Variants in P3H2 observed in about 807,000 individuals in gnomAD.
The protein encoded by P3H2 is prolyl 3-hydroxylase 2.
In P3H2, 80 loss-of-function variants were observed where a neutral mutation model predicts 87.0. That is an observed-to-expected ratio of 0.92 (90% CI 0.77 to 1.11). The LOEUF is 1.11. Ranked by LOEUF, P3H2 falls within the 50% of genes least tolerant of loss-of-function variation. The pLI, the probability that P3H2 is intolerant of heterozygous loss-of-function variation, is 0.00. For missense variants in P3H2, 1,001 were observed against 923.9 expected (o/e 1.08, Z -1.08); for synonymous variants, 367 against 359.3 (o/e 1.02, Z -0.24).
chr3:190,040,517 T>C lies in P3H2; in HGVS notation c.481-45075A>G, dbSNP rs532746350. Among the ~76,000 whole-genome samples, 5 of 152,344 alleles carry C rather than the reference T, an allele frequency of 3.3e-5. No homozygotes were observed. The East Asian group carries it at 9.6e-4, about 29-fold the overall frequency. On this transcript the variant is annotated intron_variant, in intron 1 of 14. Coordinates refer to ENST00000319332, the MANE Select transcript of P3H2 (RefSeq NM_018192.4). The stretch of plus-strand genomic sequence containing the variant: ...TGACTGGTCATCTAAGGGCACCAGA[T>C]ATACGACTAAAAATGTTCATATTCA...
intron 13 of P3H2, among the ~76,000 whole-genome samples, chr3:189,966,164 AAAGAAAGAAAGAAAG>A (rs1722997604): frequency 6.7e-6 from 1 of 148,844 alleles, no homozygotes; most frequent in South Asian, 2.1e-4. Context: ...AGAAAGAAAG[AAAGAAAGAAAGAAAG>A]AAAGAAAGAA....
At chr3:189,986,658 T>A in intron 6 of P3H2, 130 bp downstream of exon 6, 1 of 713,036 alleles carries the variant, frequency 1.4e-6, no homozygotes, top group Non-Finnish European at 2.5e-6. Flanking sequence ...CACCCCCAAT[T>A]TTTACCTCAA....
At position 189,994,094 on chromosome 3, in the gene P3H2, C is replaced by A. The variant is rs752796338; in HGVS notation, c.823G>T (p.Asp275Tyr). The change falls in exon 3 of 15, where the codon GAT (aspartate) becomes TAT (tyrosine). Residue 275 changes from aspartate (D) to tyrosine (Y), a missense_variant and splice_region_variant. Transcript: ENST00000319332. Reference sequence around the variant, plus strand: ...ATAAAATGAAAAATTAAGCTTTTACCTGCAATAGCTTCATACAGACCAGCC... The same window carrying A: ...ATAAAATGAAAAATTAAGCTTTTACATGCAATAGCTTCATACAGACCAGCC... ...YKAGLYEAIA[D>Y]HYMQVLVCQH... 1 of 1,604,462 alleles carries A rather than the reference C, an allele frequency of 6.2e-7. No homozygotes were observed. Among genetic ancestry groups the A allele is most frequent in the South Asian group, 1.1e-5 (1 of 90,514 alleles).
At chr3:190,037,375 G>A (rs574247224) in intron 1 of P3H2, among the ~76,000 whole-genome samples, 44 of 151,714 alleles carry the variant, frequency 2.9e-4, no homozygotes, top group Non-Finnish European at 3.7e-4. Flanking sequence ...CCAGAAAGAT[G>A]ATCACATCTA....
intron 1 of P3H2, among the ~76,000 whole-genome samples, chr3:190,097,112 G>A (rs115850110): frequency 1.7e-3 from 266 of 152,290 alleles, no homozygotes; most frequent in African/African-American, 6.3e-3. Flanking sequence ...AAGGCAAGAC[G>A]TGTGTGATGA....
chr3:189,960,826 A>G (rs1271608456), intron 14 of P3H2, among the ~76,000 whole-genome samples: 1 of 152,266 alleles, frequency 6.6e-6, no homozygotes, highest in Non-Finnish European at 1.5e-5. Flanking sequence ...TTGTAATAAA[A>G]AATGTTTACA....
intron 13 of P3H2, chr3:189,968,952 T>A (rs1723085942): frequency 5.8e-6 from 1 of 171,326 alleles, no homozygotes; most frequent in Admixed American, 6.0e-5. Flanking sequence ...GTTTGTTTGT[T>A]TTTCTTGTAA....
At chr3:189,961,705 G>A (rs1577240347) in intron 14 of P3H2, among the ~76,000 whole-genome samples, 3 of 152,260 alleles carry the variant, frequency 2.0e-5, no homozygotes, top group South Asian at 4.1e-4. Context: ...AAAAAGTTCT[G>A]GTCATTTCCC....
intron 1 of P3H2, among the ~76,000 whole-genome samples, chr3:190,101,055 C>T (rs568113382): frequency 6.6e-6 from 1 of 152,050 alleles, no homozygotes; most frequent in South Asian, 2.1e-4. Context: ...CTGGTTCGGG[C>T]CCCACAAACC....
intron 1 of P3H2, among the ~76,000 whole-genome samples, chr3:190,026,295 G>C (rs837765): frequency 0.24 from 37,116 of 151,986 alleles, 4,732 homozygotes; most frequent in East Asian, 0.37. Flanking sequence ...TTGAGTAGTG[G>C]CTGGGTAAAA....
At chr3:189,963,918 A>T (rs373479454) in intron 14 of P3H2, 40 bp downstream of exon 14, 1 of 1,612,838 alleles carries the variant, frequency 6.2e-7, no homozygotes, top group Non-Finnish European at 8.5e-7. Flanking sequence ...CAGTTCATGA[A>T]GCAAGCCTAA....
intron 1 of P3H2, among the ~76,000 whole-genome samples, chr3:189,998,991 T>C (rs147118917): frequency 1.3e-5 from 2 of 152,314 alleles, no homozygotes; most frequent in African/African-American, 2.4e-5. Flanking sequence ...AGAGCTCAGG[T>C]GGTAAGGTTC....
intron 1 of P3H2, among the ~76,000 whole-genome samples, chr3:190,025,697 T>C (rs1009830679): frequency 3.3e-5 from 5 of 152,192 alleles, no homozygotes; most frequent in African/African-American, 1.2e-4. Flanking sequence ...AATAGAAGTA[T>C]GAATGAAAGA....
intron 1 of P3H2, among the ~76,000 whole-genome samples, chr3:190,065,866 C>T (rs749322376): frequency 2.0e-5 from 3 of 151,956 alleles, no homozygotes; most frequent in Non-Finnish European, 4.4e-5. Context: ...CCCTTAGTAC[C>T]GCCTTTGCTG....
intron 1 of P3H2, among the ~76,000 whole-genome samples, chr3:190,005,139 C>T (rs1195525253): frequency 2.6e-5 from 4 of 152,084 alleles, no homozygotes; most frequent in African/African-American, 7.2e-5. Context: ...AGTGAAATAG[C>T]TTAATGCAAG....
chr3:189,965,384 CTG>C (rs1722944457), intron 13 of P3H2, among the ~76,000 whole-genome samples: 1 of 151,946 alleles, frequency 6.6e-6, no homozygotes, highest in African/African-American at 2.4e-5. Context: ...GTGTTTATGT[CTG>C]TGTGAGTCTG....
intron 14 of P3H2, among the ~76,000 whole-genome samples, chr3:189,962,613 C>T (rs959389725): frequency 6.6e-6 from 1 of 152,186 alleles, no homozygotes; most frequent in African/African-American, 2.4e-5. Context: ...CCAAGCTCCT[C>T]ATAGTCCAGG....
At chr3:189,974,098 G>C (rs1368854145) in intron 9 of P3H2, 94 bp from the exon 10 acceptor site, 3 of 977,984 alleles carry the variant, frequency 3.1e-6, no homozygotes, top group Admixed American at 3.4e-5. Context: ...GAGAACTCTA[G>C]TCAATGCTAA....
Position 189,964,017 on chromosome 3 carries a change from T to C in P3H2, c.1975A>G (p.Lys659Glu), listed in dbSNP as rs150393214. 1.1e-5 allele frequency: 17 copies of C among 1,614,156 alleles called. No individual in the cohort carries two copies. The highest frequency in any genetic ancestry group is 1.4e-5 in the Non-Finnish European group (16 of 1,179,986). ...AGAGCCACAGCACACCTCTTTCCCT[T>C]GGTGACTGCCTTCACCCCATGAGGG... ...ENPHGVKAVT[K>E]GKRCAVALWF... The change falls in exon 14 of 15, where the codon AAG becomes GAG. Residue 659 changes from lysine (K) to glutamate (E), a missense_variant. Coordinates refer to ENST00000319332, the MANE Select transcript of P3H2 (RefSeq NM_018192.4).
Sources: gnomAD v4.1 joint callset for allele counts (sites outside exome capture counted in the v4.1 genomes callset) on GRCh38, gnomAD v4.1.1 for gene constraint, MANE v1.5 for transcripts, NCBI Gene and HGNC (gene_info 2026-07-23, HGNC 2026-07-21) for gene names.